C16orf96: variants seen among roughly 807,000 people sequenced by gnomAD.
C16orf96 encodes uncharacterized protein C16orf96.
In C16orf96, 108 loss-of-function variants were observed where a neutral mutation model predicts 103.6. The observed-to-expected ratio is 1.04, with a 90% CI of 0.89 to 1.22. C16orf96 has a LOEUF of 1.22. Among genes scored for constraint, C16orf96 ranks in the 50% most tolerant of loss-of-function variants. The pLI is 0.00. For missense variants in C16orf96, 1,586 were observed against 1,464.2 expected (o/e 1.08, Z -1.36); for synonymous variants, 566 against 593.5 (o/e 0.95, Z 0.67).
At chr16:4,591,910 C>A in intron 10 of C16orf96, 126 bp downstream of exon 10, 1 of 766,814 alleles carries the variant, frequency 1.3e-6, no homozygotes, top group Non-Finnish European at 2.2e-6. Context: ...TTGGCTGTGG[C>A]TGAAAGCACT....
Position 4,576,092 on chromosome 16 carries a change from G to C in C16orf96, c.1612G>C (p.Asp538His), listed in dbSNP as rs548198332. ...VPKDRGGKDG[D>H]PKDRVGKDGA... ...CAAAGATAGAGGTGGCAAAGATGGG[G>C]ACCCCAAGGATAGAGTTGGCAAGGA... is the stretch of plus-strand genomic sequence containing the variant. Residue 538 changes from aspartate to histidine, a missense_variant, in exon 5 of 16, where the codon GAC becomes CAC. Physicochemically the swap from Asp to His is moderately conservative, Grantham distance 81. Coordinates refer to ENST00000444310, the MANE Select transcript of C16orf96 (RefSeq NM_001145011.2). 3 of 1,551,580 alleles carry C rather than the reference G, an allele frequency of 1.9e-6. No individual in the cohort carries two copies. The African/African-American group carries it at 4.1e-5, about 21-fold the overall frequency.
intron 14 of C16orf96, among the ~76,000 whole-genome samples, chr16:4,596,881 G>A (rs563374704): frequency 1.3e-5 from 2 of 152,258 alleles, no homozygotes; most frequent in African/African-American, 4.8e-5. Flanking sequence ...GGGGCCGATG[G>A]CACTCCCTGG....
At position 4,593,362 on chromosome 16, in the gene C16orf96, C is replaced by A; in HGVS notation, c.2867+46C>A. The A allele has an allele frequency of 6.6e-7, 1 of 1,505,682 alleles. No individual in the cohort carries two copies. The highest frequency in any genetic ancestry group is 9.0e-7 in the Non-Finnish European group (1 of 1,110,414). The allele number at this position is 1,505,682 out of a possible 1,614,324, so 93.3% of individuals were successfully genotyped here. On this transcript the variant is annotated intron_variant, in intron 12 of 15. Coordinates refer to ENST00000444310, the MANE Select transcript of C16orf96 (RefSeq NM_001145011.2). This position sits in a 1 kb window ranked among gnomAD's most constrained non-coding sequence, Gnocchi z 4.2. ...GCAGGGAGGCCGCCCCGCATGGAGG[C>A]CACTCTGGAGCCTGGGAACCCTGTT...
Position 4,574,824 on chromosome 16 carries a change from C to G in C16orf96, c.606+35C>G, listed in dbSNP as rs540477510. 2,866 of 1,546,338 alleles carry G rather than the reference C, an allele frequency of 1.9e-3. 3 individuals carry two copies. Among genetic ancestry groups the G allele is most frequent in the Non-Finnish European group, 2.4e-3 (2,686 of 1,142,844 alleles). On this transcript the variant is annotated intron_variant, in intron 3 of 15. Transcript: ENST00000444310. ...ACCATCCCTGTCTTCCCCCACTCCCCCTGGGACCCCCCAACCTCCCGGGTC... is the reference window on the plus strand; with the variant it reads ...ACCATCCCTGTCTTCCCCCACTCCCGCTGGGACCCCCCAACCTCCCGGGTC...
Position 4,556,699 on chromosome 16 carries a change from C to A in C16orf96, c.210C>A (p.Ile70=). The change falls in exon 1 of 16, where the codon ATC becomes ATA. Residue 70 remains isoleucine, a synonymous_variant. Coordinates refer to ENST00000444310, the MANE Select transcript of C16orf96 (RefSeq NM_001145011.2). ...IMPREGDAQP[I]LNPMKRLSNV... is the part of the protein sequence containing the mutation. ...CCAGGGAAGGAGACGCCCAGCCTAT[C>A]CTCAACCCCATGAAGAGGCTCAGCA... is the stretch of plus-strand genomic sequence containing the variant. 6.4e-7 allele frequency: 1 copy of A among 1,551,682 alleles called. No homozygotes were observed. The highest frequency in any genetic ancestry group is 8.7e-7 in the Non-Finnish European group (1 of 1,146,976).
chr16:4,574,838 A>C (rs1410863017), intron 3 of C16orf96, 49 bp downstream of exon 3: 1 of 1,537,760 alleles, frequency 6.5e-7, no homozygotes, highest in Non-Finnish European at 8.8e-7. Context: ...GGACCCCCCA[A>C]CCTCCCGGGT....
chr16:4,594,900 T>C (rs920019748), intron 14 of C16orf96, 97 bp downstream of exon 14: 1 of 1,304,864 alleles, frequency 7.7e-7, no homozygotes, highest in Non-Finnish European at 1.1e-6. Context: ...GCCAGCACTA[T>C]CCCTGACCGG....
rs745971095 is a variant in C16orf96, at chr16:4,575,456, C to G, written c.976C>G (p.Pro326Ala). Residue 326 changes from proline (P) to alanine (A), a missense_variant, in exon 5 of 16, where the codon CCT (proline) becomes GCT (alanine). By Grantham distance (27) the Pro-to-Ala change is conservative. Transcript: ENST00000444310. ...SAPGCTTEFA[P>A]GPAPGTEPVP... ...ACCTGGGTGCACAACTGAATTTGCA[C>G]CTGGGCCTGCACCTGGGACTGAACC... 2.8e-4 allele frequency: 431 copies of G among 1,548,604 alleles called. No homozygotes were observed. Among genetic ancestry groups the G allele is most frequent in the Non-Finnish European group, 3.6e-4 (418 of 1,146,954 alleles).
At position 4,576,451 on chromosome 16, in the gene C16orf96, C is replaced by G. The variant is rs770945405; in HGVS notation, c.1971C>G (p.Ile657Met). Reference sequence around the variant, plus strand: ...CTCCCTCCTACTCTGCTGCCAGCATCGGTCCCGATCCAGCCCTGTCCCAGG... The same window carrying G: ...CTCCCTCCTACTCTGCTGCCAGCATGGGTCCCGATCCAGCCCTGTCCCAGG... ...ILSPSYSAAS[I>M]GPDPALSQAM... Residue 657 changes from isoleucine to methionine, a missense_variant, in exon 5 of 16, where the codon ATC becomes ATG. Physicochemically the swap from Ile to Met is conservative, Grantham distance 10 (BLOSUM62 1). Coordinates refer to ENST00000444310, the MANE Select transcript of C16orf96 (RefSeq NM_001145011.2). The G allele has an allele frequency of 8.4e-6, 13 of 1,551,374 alleles. No individual in the cohort carries two copies. Among genetic ancestry groups the G allele is most frequent in the Non-Finnish European group, 1.1e-5 (13 of 1,147,012 alleles).
intron 1 of C16orf96, among the ~76,000 whole-genome samples, chr16:4,559,459 G>A (rs1317955756): frequency 2.6e-5 from 4 of 152,110 alleles, no homozygotes; most frequent in Admixed American, 6.5e-5. Context: ...GCTGAGGCAC[G>A]AGAATCGCTT....
intron 9 of C16orf96, 48 bp downstream of exon 9, chr16:4,588,379 C>T: frequency 6.6e-7 from 1 of 1,511,494 alleles, no homozygotes; most frequent in South Asian, 1.2e-5. Flanking sequence ...CAAATTAACC[C>T]AGAACTTAGC....
intron 1 of C16orf96, among the ~76,000 whole-genome samples, chr16:4,564,576 T>C (rs1297311902): frequency 6.6e-6 from 1 of 152,128 alleles, no homozygotes; most frequent in Admixed American, 6.6e-5. Flanking sequence ...TTTGGGAGGC[T>C]GAGGCAGAAG....
chr16:4,594,151 A>G (rs1187654181), intron 12 of C16orf96, among the ~76,000 whole-genome samples, 200 bp from the exon 13 acceptor site: 1 of 152,214 alleles, frequency 6.6e-6, no homozygotes, highest in Non-Finnish European at 1.5e-5. Flanking sequence ...GGGGAAATGC[A>G]GGTCTCAATT....
the C16orf96 span, chr16:4,538,963 A>G: frequency 6.6e-6 from 1 of 152,270 alleles, no homozygotes; most frequent in Non-Finnish European, 1.5e-5. Context: ...AGGCTGGAGA[A>G]TAGGGAAAGA....
At chr16:4,573,396 G>A (rs113521739) in intron 2 of C16orf96, among the ~76,000 whole-genome samples, 68 of 135,890 alleles carry the variant, frequency 5.0e-4, no homozygotes, top group African/African-American at 1.9e-3. Flanking sequence ...CCAAGATTGC[G>A]CCACTGCACT....
Position 4,575,416 on chromosome 16 carries a change from C to T in C16orf96, c.936C>T (p.Leu312=). 1 of 1,550,216 alleles carries T rather than the reference C, an allele frequency of 6.5e-7. No individual in the cohort carries two copies. Among genetic ancestry groups the T allele is most frequent in the Non-Finnish European group, 8.7e-7 (1 of 1,146,862 alleles). ...RAQEPAQPPA[L]TPESAPGCTT... ...AGGAGCCAGCGCAGCCTCCGGCCCTCACGCCTGAGTCTGCACCTGGGTGCA... is the reference window on the plus strand; with the variant it reads ...AGGAGCCAGCGCAGCCTCCGGCCCTTACGCCTGAGTCTGCACCTGGGTGCA... The change falls in exon 5 of 16, where the codon CTC becomes CTT. Residue 312 remains leucine, a synonymous_variant. Coordinates refer to ENST00000444310, the MANE Select transcript of C16orf96 (RefSeq NM_001145011.2).
At chr16:4,547,689 CTTCTTTCTTTCTTTCTTTCT>C in the C16orf96 span, among the ~76,000 whole-genome samples, 4 of 22,574 alleles carry the variant, frequency 1.8e-4, no homozygotes, top group African/African-American at 2.1e-4. Context: ...TCCTTCCTTC[CTTCTTTCTTTCTTTCTTTCT>C]TTCTTTCTTT....
chr16:4,545,349 G>A, the C16orf96 span, among the ~76,000 whole-genome samples: 1 of 152,248 alleles, frequency 6.6e-6, no homozygotes, highest in South Asian at 2.1e-4. Flanking sequence ...TGGGACTACA[G>A]GTGCATGCAA....
chr16:4,588,558 T>A (rs7199114), intron 9 of C16orf96, among the ~76,000 whole-genome samples: 120,626 of 152,090 alleles, frequency 0.79, 48,335 homozygotes, highest in Admixed American at 0.89. Flanking sequence ...TTCAAAGAGA[T>A]TCCCTCACAT....
Sources: gnomAD v4.1 joint callset for allele counts (sites outside exome capture counted in the v4.1 genomes callset) on GRCh38, gnomAD v4.1.1 for gene constraint, Gnocchi (gnomAD v3.1) non-coding constraint, MANE v1.5 for transcripts, NCBI Gene and HGNC (gene_info 2026-07-23, HGNC 2026-07-21) for gene names.